ARMCX4: variants seen among roughly 807,000 people sequenced by gnomAD.
The protein encoded by ARMCX4 is armadillo repeat-containing X-linked protein 4.
A neutral mutation model predicts 34.7 loss-of-function variants in ARMCX4; 3 were observed. The observed-to-expected ratio is 0.09, with a 90% CI of 0.04 to 0.22. ARMCX4 has a LOEUF of 0.22. Ranked by LOEUF, ARMCX4 falls within the 10% of genes least tolerant of loss-of-function variation. The pLI is 1.00. For synonymous variants in ARMCX4, 513 were observed against 632.8 expected (o/e 0.81, Z 2.84); for missense variants, 1,448 against 1,720.8 (o/e 0.84, Z 2.81).
intron 11 of ARMCX4, chrX:101,516,765 A>T (rs1294365768): frequency 9.0e-6 from 1 of 111,278 alleles, no homozygotes; most frequent in African/African-American, 3.3e-5. Context: ...GAAAAATGCA[A>T]GTTAGCTCAC....
Position 101,492,092 on chromosome X carries a change from G to A in ARMCX4, c.3503G>A (p.Gly1168Glu), listed in dbSNP as rs1372719261. ...CDETSVKSWA[G>E]ARAENVVGIG... ...GAGACCAGTGTTAAGTCCTGGGCTG[G>A]GGCCAGGGCTGAGAATGTGGTTGGT... Residue 1168 changes from glycine to glutamate, a missense_variant, in exon 6 of 6, where the codon GGG (glycine) becomes GAG (glutamate). Transcript: ENST00000423738. The A allele has an allele frequency of 8.7e-7, 1 of 1,149,983 alleles. No homozygotes were observed. Among genetic ancestry groups the A allele is most frequent in the African/African-American group, 1.8e-5 (1 of 55,493 alleles). 94.8% of individuals were successfully genotyped at this position (1,149,983 alleles called of 1,213,427 possible).
chrX:101,437,040 A>G (rs1288328242), intron 2 of ARMCX4, among the ~76,000 whole-genome samples: 1 of 111,825 alleles, frequency 8.9e-6, no homozygotes, highest in Admixed American at 9.6e-5. Context: ...TGCTGGATTC[A>G]GTTTCCCAGT....
chrX:101,502,228 G>A (rs781899015), intron 7 of ARMCX4, among the ~76,000 whole-genome samples: 15 of 111,587 alleles, frequency 1.3e-4, no homozygotes, highest in African/African-American at 4.9e-4. Context: ...CCCCGGCAAT[G>A]AGATGGAAGT....
chrX:101,429,133 C>A (rs782621219), intron 2 of ARMCX4, among the ~76,000 whole-genome samples: 1 of 110,333 alleles, frequency 9.1e-6, no homozygotes, highest in East Asian at 2.8e-4. Context: ...TTGCTGGAAT[C>A]ACAGGCATGA....
In ARMCX4 at chrX:101,493,286, A is replaced by G. The variant is rs1934052938; in HGVS notation, c.4697A>G (p.Asp1566Gly). 1 of 1,152,490 alleles carries G rather than the reference A, an allele frequency of 8.7e-7. No individual in the cohort carries two copies. The highest frequency in any genetic ancestry group is 1.1e-6 in the Non-Finnish European group (1 of 871,877). The allele number at this position is 1,152,490 out of a possible 1,213,427, so 95.0% of individuals were successfully genotyped here. A position where few individuals can be genotyped will look rare whatever the true frequency, so the allele number is the denominator to read the frequency against. Residue 1566 changes from aspartate (D) to glycine (G), a missense_variant, in exon 6 of 6, where the codon GAT becomes GGT. Coordinates refer to ENST00000423738, the MANE Select transcript of ARMCX4 (RefSeq NM_001256155.3). ...TGCTGGACTGGGGCTGGGGCTGTGG[A>G]TCAGGCTGGTGGTTGTTCCAAACCT... ...GSCWTGAGAVDQAGGCSKPGF... is the reference protein window; with the variant it reads ...GSCWTGAGAVGQAGGCSKPGF...
In ARMCX4 at chrX:101,492,315, T is replaced by G; in HGVS notation, c.3726T>G (p.Ser1242Arg). 3.5e-6 allele frequency: 4 copies of G among 1,142,138 alleles called. No homozygotes were observed. Among genetic ancestry groups the G allele is most frequent in the Non-Finnish European group, 3.5e-6 (3 of 866,407 alleles). 94.1% of individuals were successfully genotyped at this position (1,142,138 alleles called of 1,213,427 possible). Residue 1242 changes from serine to arginine, a missense_variant, in exon 6 of 6, where the codon AGT (serine) becomes AGG (arginine). Around this residue, in one of 2 missense-constraint regions of ARMCX4, gnomAD observed 1,343 missense variants for 1,540.7 expected, o/e 0.87. Coordinates refer to ENST00000423738, the MANE Select transcript of ARMCX4 (RefSeq NM_001256155.3). Reference sequence around the variant, plus strand: ...AGCTTTGGGCTGCGGGTCAGGCCAGTGATGGGTCCTGGCCTGGGGGACAGG... The same window carrying G: ...AGCTTTGGGCTGCGGGTCAGGCCAGGGATGGGTCCTGGCCTGGGGGACAGG... The part of the protein sequence containing the change: ...IGELWAAGQA[S>R]DGSWPGGQAS...
intron 11 of ARMCX4, among the ~76,000 whole-genome samples, chrX:101,525,880 G>C (rs781952524): frequency 1.8e-5 from 2 of 111,696 alleles, no homozygotes; most frequent in African/African-American, 6.5e-5. Context: ...TGATTGATGA[G>C]AGAATGGAAC....
intron 2 of ARMCX4, among the ~76,000 whole-genome samples, chrX:101,437,944 A>C (rs1354944915): frequency 1.8e-5 from 2 of 111,684 alleles, no homozygotes; most frequent in Admixed American, 9.6e-5. Context: ...GTTTCCAAGT[A>C]GTTGAGCGGT....
chrX:101,510,454 G>A (rs920837766), intron 10 of ARMCX4, among the ~76,000 whole-genome samples: 1 of 111,920 alleles, frequency 8.9e-6, no homozygotes, highest in Non-Finnish European at 1.9e-5. Flanking sequence ...TGCCAGGGTC[G>A]GGGAGTGATA....
chrX:101,480,225 ACCACATCATAATGT>A (rs1556005201), intron 4 of ARMCX4, among the ~76,000 whole-genome samples: 1 of 108,645 alleles, frequency 9.2e-6, no homozygotes, highest in African/African-American at 3.4e-5. Flanking sequence ...TAATGTTTTG[ACCACATCATAATGT>A]AAAAATTCTG....
chrX:101,528,839 C>T (rs1447500903), intron 11 of ARMCX4, among the ~76,000 whole-genome samples: 1 of 110,978 alleles, frequency 9.0e-6, no homozygotes, highest in African/African-American at 3.3e-5. Flanking sequence ...AAAAAGGACA[C>T]AAACAAATGG....
intron 2 of ARMCX4, among the ~76,000 whole-genome samples, chrX:101,429,455 C>T (rs1431376028): frequency 1.9e-5 from 2 of 107,473 alleles, no homozygotes; most frequent in Non-Finnish European, 3.8e-5. Context: ...CCAACCTCAG[C>T]CTCCCGAGTA....
intron 4 of ARMCX4, among the ~76,000 whole-genome samples, chrX:101,455,965 A>G (rs1265005002): frequency 9.0e-6 from 1 of 111,333 alleles, no homozygotes; most frequent in Non-Finnish European, 1.9e-5. Context: ...CTCCAGCTGC[A>G]TTGGTGTTGC....
At chrX:101,468,582 G>C (rs532609965) in intron 4 of ARMCX4, among the ~76,000 whole-genome samples, 1 of 110,496 alleles carries the variant, frequency 9.1e-6, no homozygotes, top group African/African-American at 3.3e-5. Flanking sequence ...GAGGCACCAC[G>C]CCTGTCCTTA....
intron 4 of ARMCX4, among the ~76,000 whole-genome samples, chrX:101,453,438 C>T (rs1442141604): frequency 8.9e-6 from 1 of 111,844 alleles, no homozygotes; most frequent in African/African-American, 3.3e-5. Context: ...AAAATGCAGG[C>T]TCTTATCCAA....
intron 2 of ARMCX4, among the ~76,000 whole-genome samples, chrX:101,429,408 T>A (rs1929852629): frequency 9.8e-6 from 1 of 102,433 alleles, no homozygotes; most frequent in African/African-American, 3.6e-5. Context: ...TGATCTTGGC[T>A]CACTGCAACC....
chrX:101,479,217 C>A (rs1233775833), intron 4 of ARMCX4, among the ~76,000 whole-genome samples: 1 of 107,036 alleles, frequency 9.3e-6, no homozygotes, highest in Non-Finnish European at 1.9e-5. Context: ...ATATAATGTA[C>A]AAAAAGCCAC....
At chrX:101,496,958 A>G (rs782782504), downstream of ARMCX4, among the ~76,000 whole-genome samples, 4 of 112,201 alleles carry the variant, frequency 3.6e-5, no homozygotes, top group African/African-American at 9.7e-5. Flanking sequence ...TAAACGACCC[A>G]AGTATCTCAA....
chrX:101,453,779 C>T (rs1932118665), intron 4 of ARMCX4, among the ~76,000 whole-genome samples: 1 of 109,562 alleles, frequency 9.1e-6, no homozygotes, highest in African/African-American at 3.3e-5. Context: ...ATCTGCTATG[C>T]CAGGTATTAC....
Sources: allele counts gnomAD v4.1 joint callset (sites outside exome capture counted in the v4.1 genomes callset), GRCh38; gene constraint gnomAD v4.1.1; regional missense constraint gnomAD v4.1.1; transcripts MANE v1.5; gene names NCBI Gene and HGNC (gene_info 2026-07-23, HGNC 2026-07-21).